Variants in CASS4 observed in about 807,000 individuals in gnomAD.
CASS4 encodes the protein Cas scaffold protein family member 4.
In CASS4, 22 loss-of-function variants were observed where a neutral mutation model predicts 54.2. The observed-to-expected ratio is 0.41, with a 90% CI of 0.29 to 0.58. The LOEUF is 0.58. Among genes scored for constraint, CASS4 ranks in the 20% least tolerant of loss-of-function variants. The pLI is 0.36. For missense variants in CASS4, 854 were observed against 986.7 expected (o/e 0.87, Z 1.80); for synonymous variants, 409 against 391.5 (o/e 1.04, Z -0.53).
intron 1 of CASS4, among the ~76,000 whole-genome samples, chr20:56,415,625 A>G (rs968253768): frequency 1.3e-5 from 2 of 152,208 alleles, no homozygotes; most frequent in Non-Finnish European, 2.9e-5. Flanking sequence ...TGGTAGCACA[A>G]TGCTTCAAGG....
intron 2 of CASS4, among the ~76,000 whole-genome samples, chr20:56,438,728 G>T (rs1454192366): frequency 6.6e-6 from 1 of 152,126 alleles, no homozygotes; most frequent in Non-Finnish European, 1.5e-5. Flanking sequence ...ATGGTGGCAG[G>T]CACCTGTAAT....
At chr20:56,450,867 C>G (rs1436441215) in intron 4 of CASS4, among the ~76,000 whole-genome samples, 188 bp downstream of exon 4, 1 of 152,044 alleles carries the variant, frequency 6.6e-6, no homozygotes, top group Non-Finnish European at 1.5e-5. Flanking sequence ...AACCCCATCT[C>G]TACTAAAAAT....
chr20:56,417,686 G>A (rs376413844), intron 1 of CASS4, among the ~76,000 whole-genome samples: 4 of 152,338 alleles, frequency 2.6e-5, no homozygotes, highest in East Asian at 1.9e-4. Context: ...CTTACAGGGA[G>A]TGCAGGTGGA....
At chr20:56,415,992 T>G (rs1034456999) in intron 1 of CASS4, among the ~76,000 whole-genome samples, 1 of 152,230 alleles carries the variant, frequency 6.6e-6, no homozygotes, top group African/African-American at 2.4e-5. Context: ...ACCTCATTCA[T>G]TGGTTTGTGG....
rs1413451976 is a variant in CASS4, at chr20:56,412,592, T to C, written c.36+98T>C. 11 of 1,256,682 alleles carry C rather than the reference T, an allele frequency of 8.8e-6. No homozygotes were observed. The highest frequency in any genetic ancestry group is 1.5e-5 in the African/African-American group (1 of 67,128). The allele number at this position is 1,256,682 out of a possible 1,614,324, so 77.8% of individuals were successfully genotyped here. A position where few individuals can be genotyped will look rare whatever the true frequency, so the allele number is the denominator to read the frequency against. On this transcript the variant is annotated intron_variant, in intron 1 of 5. Transcript: ENST00000679887. This position sits in a 1 kb window ranked among gnomAD's most constrained non-coding sequence, Gnocchi z 4.2. ...TTTAGTTGTGACTTTCTAATAAAGGTTGAATACCAGTGACGTGTGAGTTGG... is the reference window on the plus strand; with the variant it reads ...TTTAGTTGTGACTTTCTAATAAAGGCTGAATACCAGTGACGTGTGAGTTGG...
intron 3 of CASS4, among the ~76,000 whole-genome samples, chr20:56,448,104 T>C (rs1010364601): frequency 6.8e-6 from 1 of 147,626 alleles, no homozygotes; most frequent in Non-Finnish European, 1.5e-5. Flanking sequence ...ATCGCGCCAC[T>C]GCACTCCAGC....
chr20:56,420,559 T>G (rs1010059030), intron 1 of CASS4, among the ~76,000 whole-genome samples: 1 of 150,646 alleles, frequency 6.6e-6, no homozygotes, highest in African/African-American at 2.5e-5. Context: ...CATCTAATTT[T>G]TTTTTTTTTT....
chr20:56,441,546 AG>A (rs1236120601), intron 2 of CASS4, among the ~76,000 whole-genome samples: 1 of 151,994 alleles, frequency 6.6e-6, no homozygotes, highest in Non-Finnish European at 1.5e-5. Context: ...TGGAAGTTGC[AG>A]TGAGCCGAGA....
At position 56,437,326 on chromosome 20, in the gene CASS4, C is replaced by G. The variant is rs748199976; in HGVS notation, c.199C>G (p.Arg67Gly). The G allele has an allele frequency of 3.1e-6, 5 of 1,614,034 alleles. No individual in the cohort carries two copies. Among genetic ancestry groups the G allele is most frequent in the Non-Finnish European group, 3.4e-6 (4 of 1,179,930 alleles). ...HGRQGLAPAN[R>G]LQILTEVAAD... ...GAGGCAAGGCCTGGCCCCTGCCAAC[C>G]GCCTCCAAATCCTCACGGAGGTCGC... Residue 67 changes from arginine (R) to glycine (G), a missense_variant, in exon 2 of 6, where the codon CGC becomes GGC. Transcript: ENST00000679887. This position sits in a 1 kb window ranked among gnomAD's most constrained non-coding sequence, Gnocchi z 4.7.
chr20:56,449,619 T>C (rs1980897049), intron 3 of CASS4, among the ~76,000 whole-genome samples: 1 of 151,880 alleles, frequency 6.6e-6, no homozygotes, highest in South Asian at 2.1e-4. Flanking sequence ...ATAATAATCA[T>C]AAATTATTAA....
At chr20:56,419,366 A>T (rs1384697452) in intron 1 of CASS4, among the ~76,000 whole-genome samples, 1 of 152,166 alleles carries the variant, frequency 6.6e-6, no homozygotes, top group African/African-American at 2.4e-5. Flanking sequence ...AGCATAGTCG[A>T]CACTGAGAAG....
intron 1 of CASS4, among the ~76,000 whole-genome samples, chr20:56,413,815 C>T (rs1979005948): frequency 1.3e-5 from 2 of 150,854 alleles, no homozygotes; most frequent in Admixed American, 6.6e-5. Context: ...TGAAAAATTT[C>T]AAACCATTGG....
At chr20:56,413,658 GCA>G (rs1978992684) in intron 1 of CASS4, among the ~76,000 whole-genome samples, 1 of 111,618 alleles carries the variant, frequency 9.0e-6, no homozygotes, top group South Asian at 3.1e-4. Context: ...GGGTGACAGA[GCA>G]AGACTCTGTC....
rs1980267493 is a variant in CASS4 at position 56,437,820 on chromosome 20, G to T, written c.459+234G>T. ...CACTGTGATTCCCCAGCTCTCCAAGGCTGGGCACACTCTGTGGGAAATGGA... is the reference window on the plus strand; with the variant it reads ...CACTGTGATTCCCCAGCTCTCCAAGTCTGGGCACACTCTGTGGGAAATGGA... On this transcript the variant is annotated intron_variant, in intron 2 of 5. Transcript: ENST00000679887. This position sits in a 1 kb window ranked among gnomAD's most constrained non-coding sequence, Gnocchi z 4.7. Among the ~76,000 whole-genome samples, 1 of 152,138 alleles carries T rather than the reference G, an allele frequency of 6.6e-6. No homozygotes were observed. Among genetic ancestry groups the T allele is most frequent in the Non-Finnish European group, 1.5e-5 (1 of 68,032 alleles).
chr20:56,435,900 G>A (rs1181601860), intron 1 of CASS4, among the ~76,000 whole-genome samples: 2 of 151,976 alleles, frequency 1.3e-5, no homozygotes, highest in South Asian at 2.1e-4. Flanking sequence ...ACAGGCATGC[G>A]CTACTCTGCC....
intron 1 of CASS4, among the ~76,000 whole-genome samples, chr20:56,421,830 AAAAAAAG>A (rs1272856606): frequency 8.0e-6 from 1 of 125,608 alleles, no homozygotes; most frequent in African/African-American, 2.5e-5. Context: ...TTTTTTCCTT[AAAAAAAG>A]AAAAAAGGAA....
In CASS4 at chr20:56,459,225, AT is replaced by A. The variant is rs917130194; in HGVS notation, c.*487del. The A allele has an allele frequency of 3.2e-4, 50 of 154,764 alleles. No individual in the cohort carries two copies. Among genetic ancestry groups the A allele is most frequent in the South Asian group, 9.5e-4 (5 of 5,274 alleles). 9.6% of individuals were successfully genotyped at this position (154,764 alleles called of 1,614,324 possible). On this transcript the variant is annotated 3_prime_UTR_variant, in exon 6 of 6. Transcript: ENST00000679887. ...GCCACCATGCCCAGCTAATTTTTGT[AT>A]TTTTTTTTAATGAAAGGTCTCACAT...
rs138573024 is a variant in CASS4, at chr20:56,422,396, C to A, written c.36+9902C>A. On this transcript the variant is annotated intron_variant, in intron 1 of 5. Coordinates refer to ENST00000679887, the MANE Select transcript of CASS4 (RefSeq NM_020356.4). Reference sequence around the variant, plus strand: ...CAAGGAAACCAGTCACCTGTTCCCCCGGTGTATATTGTCAGACATACAGTA... The same window carrying A: ...CAAGGAAACCAGTCACCTGTTCCCCAGGTGTATATTGTCAGACATACAGTA... Among the ~76,000 whole-genome samples, 41 of 152,306 alleles carry A rather than the reference C, an allele frequency of 2.7e-4. No individual in the cohort carries two copies. In the East Asian group the frequency reaches 7.1e-3, roughly 27 times the overall value.
chr20:56,452,002 A>C lies in CASS4; in HGVS notation c.826A>C (p.Ser276Arg). 6.2e-7 allele frequency: 1 copy of C among 1,614,194 alleles called. No homozygotes were observed. The highest frequency in any genetic ancestry group is 2.2e-5 in the East Asian group (1 of 44,886). Residue 276 changes from serine to arginine, a missense_variant, in exon 5 of 6, where the codon AGC becomes CGC. By Grantham distance (110) the Ser-to-Arg change is moderately radical (BLOSUM62 -1). Transcript: ENST00000679887. ...AAGGCCCCACGCTCTCCCCAGTTCC[A>C]GCTCCACTTTCTACAATCCTCCAAG... is the stretch of plus-strand genomic sequence containing the variant. The part of the protein sequence containing the change: ...ESRPHALPSS[S>R]STFYNPPSGR...
Sources: allele counts gnomAD v4.1 joint callset (sites outside exome capture counted in the v4.1 genomes callset), GRCh38; gene constraint gnomAD v4.1.1; non-coding constraint Gnocchi (gnomAD v3.1); transcripts MANE v1.5; gene names NCBI Gene and HGNC (gene_info 2026-07-23, HGNC 2026-07-21).